Variants in PRSS27 observed in about 807,000 individuals in gnomAD.
PRSS27 encodes channel-activating protease 2.
Under a neutral mutation model 32.0 loss-of-function variants are expected in PRSS27, and 25 were observed. That is an observed-to-expected ratio of 0.78 (90% CI 0.57 to 1.09). PRSS27 has a LOEUF of 1.09. PRSS27 is among the 50% of genes least tolerant of loss of function. PRSS27 has a pLI of 0.00. For missense variants in PRSS27, 401 were observed against 394.9 expected, an observed-to-expected ratio of 1.02 and a Z score of -0.13; for synonymous variants, 178 against 172.2, an observed-to-expected ratio of 1.03 and a Z score of -0.26.
Position 2,716,856 on chromosome 16 carries a change from C to T in PRSS27, c.47-330G>A, listed in dbSNP as rs139204898. On this transcript the variant is annotated intron_variant, in intron 1 of 5. Coordinates refer to ENST00000302641, the MANE Select transcript of PRSS27 (RefSeq NM_031948.5). ...CTGGAAAGGGTCCTCTCCCTCCACA[C>T]TCCACACCCATCCTTGTCTGGAAGT... 2.2e-5 allele frequency: 9 copies of T among 402,768 alleles called. No individual in the cohort carries two copies. In the East Asian group the frequency reaches 3.6e-4, roughly 16 times the overall value. The allele number at this position is 402,768 out of a possible 1,614,324, so 24.9% of individuals were successfully genotyped here.
Position 2,714,485 on chromosome 16 carries a change from G to T in PRSS27, c.237-149C>A. On this transcript the variant is annotated intron_variant, in intron 3 of 5. Coordinates refer to ENST00000302641, the MANE Select transcript of PRSS27 (RefSeq NM_031948.5). This position sits in a 1 kb window ranked among gnomAD's most constrained non-coding sequence, Gnocchi z 4.7. Reference sequence around the variant, plus strand: ...GTCATCTCTAGGACAGCCAGGTGCAGCGGTGATGCGTGTTGACATTGAAGC... The same window carrying T: ...GTCATCTCTAGGACAGCCAGGTGCATCGGTGATGCGTGTTGACATTGAAGC... 1.2e-6 allele frequency: 1 copy of T among 861,116 alleles called. No individual in the cohort carries two copies. Among genetic ancestry groups the T allele is most frequent in the Non-Finnish European group, 1.8e-6 (1 of 555,180 alleles). The allele number at this position is 861,116 out of a possible 1,614,324, so 53.3% of individuals were successfully genotyped here. A position where few individuals can be genotyped will look rare whatever the true frequency, so the allele number is the denominator to read the frequency against.
intron 5 of PRSS27, 192 bp downstream of exon 5, chr16:2,713,337 A>T: frequency 3.1e-6 from 2 of 639,256 alleles, no homozygotes; most frequent in South Asian, 1.7e-5. Flanking sequence ...TGACCTTGTG[A>T]TCCACCCTCC....
Position 2,714,301 on chromosome 16 carries a change from C to T in PRSS27, c.272G>A (p.Gly91Glu). 2 of 1,613,304 alleles carry T rather than the reference C, an allele frequency of 1.2e-6. No individual in the cohort carries two copies. The highest frequency in any genetic ancestry group is 1.1e-5 in the South Asian group (1 of 91,062). ...SETSLYQVLLGARQLVQPGPH... is the reference protein window; with the variant it reads ...SETSLYQVLLEARQLVQPGPH... ...TCCCGGCTGCACTAGCTGCCTTGCC[C>T]CCAGCAGGACCTGGTACAGGGACGT... The change falls in exon 4 of 6, where the codon GGG (glycine) becomes GAG (glutamate). Residue 91 changes from glycine (G) to glutamate (E), a missense_variant. Transcript: ENST00000302641. The surrounding 1 kb of genome is among the most constrained non-coding windows in gnomAD (Gnocchi z 4.7).
Position 2,712,917 on chromosome 16 carries a change from C to T in PRSS27, c.679-103G>A. The T allele has an allele frequency of 3.2e-6, 3 of 943,072 alleles. No homozygotes were observed. The South Asian group carries it at 5.4e-5, about 17-fold the overall frequency. The allele number at this position is 943,072 out of a possible 1,614,324, so 58.4% of individuals were successfully genotyped here. The stretch of plus-strand genomic sequence containing the variant: ...TAGCTCCGCAATGGATTCCTTCTCT[C>T]CATCCCAGAGCCTCTCTGCCCGGCT... On this transcript the variant is annotated intron_variant, in intron 5 of 5. Coordinates refer to ENST00000302641, the MANE Select transcript of PRSS27 (RefSeq NM_031948.5). The surrounding 1 kb of genome is among the most constrained non-coding windows in gnomAD (Gnocchi z 4.6).
Position 2,712,513 on chromosome 16 carries a change from G to T in PRSS27, c.*107C>A, listed in dbSNP as rs2067667896. 2.2e-6 allele frequency: 2 copies of T among 889,608 alleles called. No homozygotes were observed. The highest frequency in any genetic ancestry group is 2.8e-5 in the East Asian group (1 of 35,284). The allele number at this position is 889,608 out of a possible 1,614,324, so 55.1% of individuals were successfully genotyped here. A position where few individuals can be genotyped will look rare whatever the true frequency, so the allele number is the denominator to read the frequency against. On this transcript the variant is annotated 3_prime_UTR_variant, in exon 6 of 6. Transcript: ENST00000302641. The surrounding 1 kb of genome is among the most constrained non-coding windows in gnomAD (Gnocchi z 4.6). ...AGGAGCGCTATTTACAAATGAGTCT[G>T]GTGGGGCTCACAGGTGCAACAGCAG... is the stretch of plus-strand genomic sequence containing the variant.
Position 2,715,864 on chromosome 16 carries a change from C to T in PRSS27, c.90G>A (p.Arg30=). ...GCCCGCCCACCATTCGGTTCAGCAT[C>T]CTGGGGCGACCACAGGCTGGGGGAG... ...AKAATACGRP[R]MLNRMVGGQD... Residue 30 remains arginine (R), a synonymous_variant, in exon 3 of 6, where the codon AGG becomes AGA. Transcript: ENST00000302641. 1 of 1,583,156 alleles carries T rather than the reference C, an allele frequency of 6.3e-7. No individual in the cohort carries two copies. The highest frequency in any genetic ancestry group is 8.6e-7 in the Non-Finnish European group (1 of 1,163,494).
In PRSS27 at chr16:2,712,982, C is replaced by A; in HGVS notation, c.679-168G>T. ...AGTCCGATTGTCTAAAGTGCCTATT[C>A]TTTAGTGTCCCCAGATCAACTAGGG... On this transcript the variant is annotated intron_variant, in intron 5 of 5. Coordinates refer to ENST00000302641, the MANE Select transcript of PRSS27 (RefSeq NM_031948.5). This position sits in a 1 kb window ranked among gnomAD's most constrained non-coding sequence, Gnocchi z 4.6. The A allele has an allele frequency of 1.7e-6, 1 of 595,252 alleles. No individual in the cohort carries two copies. The highest frequency in any genetic ancestry group is 2.9e-6 in the Non-Finnish European group (1 of 342,588). The allele number at this position is 595,252 out of a possible 1,614,324, so 36.9% of individuals were successfully genotyped here. A position where few individuals can be genotyped will look rare whatever the true frequency, so the allele number is the denominator to read the frequency against.
chr16:2,718,916 A>C (rs916001678), intron 1 of PRSS27, among the ~76,000 whole-genome samples: 17 of 151,958 alleles, frequency 1.1e-4, no homozygotes, highest in Admixed American at 1.1e-3. Context: ...TGAGCCCTTC[A>C]GGGTGGGCGC....
In PRSS27 at chr16:2,714,110, C is replaced by G; in HGVS notation, c.463G>C (p.Gly155Arg). The G allele has an allele frequency of 1.2e-6, 2 of 1,613,752 alleles. No homozygotes were observed. Among genetic ancestry groups the G allele is most frequent in the Non-Finnish European group, 1.7e-6 (2 of 1,179,832 alleles). ...LPDPSVIFET[G>R]MNCWVTGWGS... ...CAGCCAGTGACCCAGCAGTTCATGC[C>G]CGTCTCAAAGATCACCGAGGGGTCA... is the stretch of plus-strand genomic sequence containing the variant. The change falls in exon 4 of 6, where the codon GGC (glycine) becomes CGC (arginine). Residue 155 changes from glycine to arginine, a missense_variant. Transcript: ENST00000302641. This position sits in a 1 kb window ranked among gnomAD's most constrained non-coding sequence, Gnocchi z 4.7.
intron 2 of PRSS27, 184 bp from the exon 3 acceptor site, chr16:2,716,064 C>T (rs1036372881): frequency 1.9e-6 from 1 of 518,176 alleles, no homozygotes; most frequent in South Asian, 3.1e-5. Context: ...CCCCAGCTGC[C>T]CCCCAAAGTC....
At chr16:2,713,161 C>G (rs111495225) in intron 5 of PRSS27, 3 of 467,008 alleles carry the variant, frequency 6.4e-6, no homozygotes, top group South Asian at 2.3e-5. Flanking sequence ...TGCACTGGCG[C>G]GATCTCGGCT....
chr16:2,716,595 C>T, intron 1 of PRSS27, 69 bp from the exon 2 acceptor site: 1 of 1,448,414 alleles, frequency 6.9e-7, no homozygotes, highest in Non-Finnish European at 9.4e-7. Context: ...ACCCTGCAGC[C>T]CCTCTCCACT....
At position 2,714,379 on chromosome 16, in the gene PRSS27, G is replaced by T; in HGVS notation, c.237-43C>A. 6.2e-7 allele frequency: 1 copy of T among 1,601,236 alleles called. No individual in the cohort carries two copies. The highest frequency in any genetic ancestry group is 8.5e-7 in the Non-Finnish European group (1 of 1,178,040). ...GAGGCGGCGTGAGGCGGCCCCTCGT[G>T]TGGGGACAGGCCCGGGAGGGGCTGG... On this transcript the variant is annotated intron_variant, in intron 3 of 5. Transcript: ENST00000302641. This position sits in a 1 kb window ranked among gnomAD's most constrained non-coding sequence, Gnocchi z 4.7.
intron 3 of PRSS27, 24 bp downstream of exon 3, chr16:2,715,694 G>A (rs540052136): frequency 3.9e-6 from 6 of 1,544,656 alleles, no homozygotes; most frequent in African/African-American, 2.7e-5. Context: ...CGCTATGGGC[G>A]GGGGCAGGGG....
Position 2,719,022 on chromosome 16 carries a change from G to A in PRSS27, c.46+1093C>T, listed in dbSNP as rs148026604. The stretch of plus-strand genomic sequence containing the variant: ...TGATTCGCTGGTAGCTGGTGGGGAT[G>A]GTGAAGCTTAGTGGGTACCACCAGC... On this transcript the variant is annotated intron_variant, in intron 1 of 5. Coordinates refer to ENST00000302641, the MANE Select transcript of PRSS27 (RefSeq NM_031948.5). Among the ~76,000 whole-genome samples, 127 of 152,340 alleles carry A rather than the reference G, an allele frequency of 8.3e-4. 2 individuals carry two copies. The East Asian group carries it at 0.024, about 29-fold the overall frequency.
In PRSS27 at chr16:2,712,640, T is replaced by C; in HGVS notation, c.853A>G (p.Arg285Gly). 2 of 1,590,034 alleles carry C rather than the reference T, an allele frequency of 1.3e-6. No homozygotes were observed. The highest frequency in any genetic ancestry group is 1.7e-6 in the Non-Finnish European group (2 of 1,168,000). Residue 285 changes from arginine to glycine, a missense_variant, in exon 6 of 6, where the codon AGG becomes GGG. Coordinates refer to ENST00000302641, the MANE Select transcript of PRSS27 (RefSeq NM_031948.5). This position sits in a 1 kb window ranked among gnomAD's most constrained non-coding sequence, Gnocchi z 4.6. ...IIPKLQFQPA[R>G]LGGQK ...GGGTCTCACTTCTGGCCGCCCAACC[T>C]CGCTGGCTGGAACTGCAGTTTGGGG...
At position 2,716,442 on chromosome 16, in the gene PRSS27, T is replaced by C. The variant is rs376887271; in HGVS notation, c.73+58A>G. 2.0e-6 allele frequency: 3 copies of C among 1,522,356 alleles called. 1 individual carries two copies. The highest frequency in any genetic ancestry group is 2.3e-5 in the East Asian group (1 of 43,568). The allele number at this position is 1,522,356 out of a possible 1,614,324, so 94.3% of individuals were successfully genotyped here. On this transcript the variant is annotated intron_variant, in intron 2 of 5. Coordinates refer to ENST00000302641, the MANE Select transcript of PRSS27 (RefSeq NM_031948.5). ...TCCAAATTCCCTCTGGCCATGAGTG[T>C]CCCTGGCTCAGTCCAGCCGGCTCCT...
In PRSS27 at chr16:2,715,794, G is replaced by T. The variant is rs899262577; in HGVS notation, c.160C>A (p.Arg54Ser). 2.5e-6 allele frequency: 4 copies of T among 1,602,594 alleles called. No individual in the cohort carries two copies. The highest frequency in any genetic ancestry group is 3.4e-6 in the Non-Finnish European group (4 of 1,177,104). ...CCCCCGCAGAAGTGGCTTCCGTTGCGCTGGATGCTGACTTGCCAGGGCCAC... is the reference window on the plus strand; with the variant it reads ...CCCCCGCAGAAGTGGCTTCCGTTGCTCTGGATGCTGACTTGCCAGGGCCAC... ...GEWPWQVSIQ[R>S]NGSHFCGGSL... The change falls in exon 3 of 6, where the codon CGC becomes AGC. Residue 54 changes from arginine to serine, a missense_variant. Transcript: ENST00000302641.
chr16:2,713,651 T>C lies in PRSS27; in HGVS notation c.556A>G (p.Ile186Val). The C allele has an allele frequency of 2.5e-6, 4 of 1,614,226 alleles. No individual in the cohort carries two copies. Among genetic ancestry groups the C allele is most frequent in the Non-Finnish European group, 3.4e-6 (4 of 1,180,038 alleles). Reference protein sequence around the residue: ...RILQKLAVPIIDTPKCNLLYS... With the variant: ...RILQKLAVPIVDTPKCNLLYS... ...AGCAGGTTGCACTTGGGTGTGTCGA[T>C]GATGGGCACAGCGAGTTTCTGCAGG... Residue 186 changes from isoleucine (I) to valine (V), a missense_variant, in exon 5 of 6, where the codon ATC becomes GTC. Physicochemically the swap from Ile to Val is conservative, Grantham distance 29. Coordinates refer to ENST00000302641, the MANE Select transcript of PRSS27 (RefSeq NM_031948.5).
Sources: allele counts gnomAD v4.1 joint callset (sites outside exome capture counted in the v4.1 genomes callset), GRCh38; gene constraint gnomAD v4.1.1; non-coding constraint Gnocchi (gnomAD v3.1); transcripts MANE v1.5; gene names NCBI Gene and HGNC (gene_info 2026-07-23, HGNC 2026-07-21).